ASTN2: variants seen among roughly 807,000 people sequenced by gnomAD.
ASTN2 encodes the protein astrotactin 2, also known as astrotactin-2.
In ASTN2, 54 loss-of-function variants were observed where a neutral mutation model predicts 139.8. The observed-to-expected ratio is 0.39, with a 90% confidence interval of 0.31 to 0.48. The LOEUF (loss-of-function observed/expected upper bound fraction) is 0.48, where lower values mean the gene tolerates loss of function less well. Among genes scored for constraint, ASTN2 ranks in the 20% least tolerant of loss-of-function variants. The probability of loss-of-function intolerance (pLI) is 0.95; values close to 1 mark genes in which losing one functional copy is unlikely to be tolerated. For missense variants in ASTN2, 1,565 were observed against 1,725.1 expected (o/e 0.91, Z 1.64); for synonymous variants, 756 against 719.5 (o/e 1.05, Z -0.81).
At chr9:117,154,482 T>A (rs1830390853) in intron 3 of ASTN2, among the ~76,000 whole-genome samples, 1 of 152,072 alleles carries the variant, frequency 6.6e-6, no homozygotes, top group Non-Finnish European at 1.5e-5. Flanking sequence ...AGTTGCTGTG[T>A]GACTTTGGAC....
intron 19 of ASTN2, among the ~76,000 whole-genome samples, chr9:116,518,563 C>T (rs1204130183): frequency 6.6e-6 from 1 of 151,740 alleles, no homozygotes; most frequent in Non-Finnish European, 1.5e-5. Context: ...CTCCTTAAAG[C>T]ATAAATCTCA....
intron 1 of ASTN2, among the ~76,000 whole-genome samples, chr9:117,406,956 T>C (rs1831012714): frequency 6.6e-6 from 1 of 151,998 alleles, no homozygotes. Flanking sequence ...TGTTCTCTGA[T>C]GTATCCTAGG....
intron 19 of ASTN2, among the ~76,000 whole-genome samples, chr9:116,602,151 T>C (rs192471435): frequency 6.6e-4 from 100 of 152,014 alleles, no homozygotes; most frequent in African/African-American, 2.3e-3. Flanking sequence ...TGACATAGAG[T>C]TCACAAATGT....
chr9:117,224,424 A>T (rs1404445891), intron 2 of ASTN2, among the ~76,000 whole-genome samples: 2 of 152,120 alleles, frequency 1.3e-5, no homozygotes, highest in African/African-American at 2.4e-5. Context: ...AGTAGTGGTG[A>T]AACCACTACT....
At position 117,214,521 on chromosome 9, in the gene ASTN2, G is replaced by A; in HGVS notation, c.852C>T (p.Ile284=). Residue 284 remains isoleucine, a synonymous_variant, in exon 3 of 23, where the codon ATC becomes ATT. Transcript: ENST00000313400. ...QTHNSVIGVP[I]RETPILDDYD... ...AGTCATCCAGGATGGGAGTCTCCCGGATGGGCACGCCAATGACGGAATTGT... is the reference window on the plus strand; with the variant it reads ...AGTCATCCAGGATGGGAGTCTCCCGAATGGGCACGCCAATGACGGAATTGT... 1 of 1,614,112 alleles carries A rather than the reference G, an allele frequency of 6.2e-7. No homozygotes were observed. Among genetic ancestry groups the A allele is most frequent in the Non-Finnish European group, 8.5e-7 (1 of 1,179,944 alleles).
At chr9:117,392,404 G>A (rs1431910921) in intron 1 of ASTN2, among the ~76,000 whole-genome samples, 1 of 152,164 alleles carries the variant, frequency 6.6e-6, no homozygotes, top group Non-Finnish European at 1.5e-5. Context: ...CCTGCAGATA[G>A]GCACAAAGGT....
At chr9:116,540,793 T>C (rs1851845469) in intron 19 of ASTN2, 3 of 152,188 alleles carry the variant, frequency 2.0e-5, no homozygotes, top group Admixed American at 2.0e-4. Context: ...TCATAAGAGA[T>C]TATTTTTGTC....
intron 19 of ASTN2, among the ~76,000 whole-genome samples, chr9:116,617,017 G>C (rs1855892986): frequency 6.6e-6 from 1 of 152,166 alleles, no homozygotes; most frequent in Admixed American, 6.6e-5. Context: ...CCCAGTTACT[G>C]TTCCATGACC....
intron 17 of ASTN2, among the ~76,000 whole-genome samples, chr9:116,621,427 ACACACACATG>A (rs1856143479): frequency 7.3e-6 from 1 of 137,046 alleles, no homozygotes; most frequent in African/African-American, 2.7e-5. Flanking sequence ...ACACACACAC[ACACACACATG>A]CACGCACACA....
intron 1 of ASTN2, among the ~76,000 whole-genome samples, chr9:117,388,969 T>C (rs1297532634): frequency 1.3e-5 from 2 of 152,194 alleles, no homozygotes; most frequent in Non-Finnish European, 2.9e-5. Context: ...TATGCCAGGA[T>C]CTGGATCTCA....
intron 19 of ASTN2, among the ~76,000 whole-genome samples, chr9:116,537,751 GA>G (rs952989186): frequency 6.6e-6 from 1 of 152,162 alleles, no homozygotes; most frequent in East Asian, 1.9e-4. Context: ...TGCCCTGTGG[GA>G]ACAGGATACT....
intron 1 of ASTN2, among the ~76,000 whole-genome samples, chr9:117,293,558 G>A (rs1044071318): frequency 1.3e-5 from 2 of 152,124 alleles, no homozygotes; most frequent in East Asian, 1.9e-4. Context: ...GGCCCCAAAG[G>A]CCCTGAGAAC....
At chr9:117,173,989 C>A (rs554420493) in intron 3 of ASTN2, among the ~76,000 whole-genome samples, 1 of 143,416 alleles carries the variant, frequency 7.0e-6, no homozygotes, top group South Asian at 2.2e-4. Flanking sequence ...ACAAAAAAAA[C>A]ACTAATAAAA....
chr9:117,277,217 T>C (rs1245376882), intron 2 of ASTN2: 4 of 152,212 alleles, frequency 2.6e-5, no homozygotes, highest in Admixed American at 2.0e-4. Flanking sequence ...CCAAACAAGC[T>C]TTCAGTGAGC....
At chr9:116,743,506 G>A (rs1020352299) in intron 13 of ASTN2, among the ~76,000 whole-genome samples, 3 of 151,884 alleles carry the variant, frequency 2.0e-5, no homozygotes, top group African/African-American at 7.2e-5. Context: ...GTAGTGAGCC[G>A]AGATCATGCC....
At chr9:116,730,746 G>A (rs1437487038) in intron 14 of ASTN2, among the ~76,000 whole-genome samples, 1 of 152,198 alleles carries the variant, frequency 6.6e-6, no homozygotes, top group Non-Finnish European at 1.5e-5. Context: ...AGGCTGTTGA[G>A]AGGCAGCTCT....
intron 16 of ASTN2, among the ~76,000 whole-genome samples, chr9:116,690,122 A>G (rs1860492228): frequency 6.6e-6 from 1 of 152,212 alleles, no homozygotes; most frequent in Admixed American, 6.5e-5. Flanking sequence ...TGGGAATTAA[A>G]TCAGCCCTGT....
intron 7 of ASTN2, among the ~76,000 whole-genome samples, chr9:116,980,021 A>C (rs1165896509): frequency 6.6e-6 from 1 of 152,122 alleles, no homozygotes; most frequent in African/African-American, 2.4e-5. Context: ...TATATTTTGC[A>C]ATTAAGAGGC....
intron 13 of ASTN2, among the ~76,000 whole-genome samples, chr9:116,753,231 T>G (rs956416017): frequency 5.3e-5 from 8 of 152,198 alleles, no homozygotes; most frequent in Admixed American, 2.6e-4. Context: ...TCCACATTGC[T>G]ACAGGAAAGG....
Sources: gnomAD v4.1 joint callset for allele counts (sites outside exome capture counted in the v4.1 genomes callset) on GRCh38, gnomAD v4.1.1 for gene constraint, MANE v1.5 for transcripts, NCBI Gene and HGNC (gene_info 2026-07-23, HGNC 2026-07-21) for gene names.